ZNF33A: variants seen among roughly 807,000 people sequenced by gnomAD.
ZNF33A encodes brain my041 protein.
Under a neutral mutation model 15.9 loss-of-function variants are expected in ZNF33A, and 9 were observed. The observed-to-expected ratio is 0.57, with a 90% confidence interval of 0.34 to 0.99. ZNF33A has a LOEUF of 0.99. Ranked by LOEUF, ZNF33A falls within the 50% of genes least tolerant of loss-of-function variation. The pLI, the probability that ZNF33A is intolerant of heterozygous loss-of-function variation, is 0.02. For synonymous variants in ZNF33A, 294 were observed against 324.2 expected (o/e 0.91, Z 1.00); for missense variants, 843 against 941.6 (o/e 0.90, Z 1.37).
At chr10:38,044,723 A>G (rs1336441373) in intron 4 of ZNF33A, among the ~76,000 whole-genome samples, 3 of 151,808 alleles carry the variant, frequency 2.0e-5, no homozygotes, top group African/African-American at 4.8e-5. Flanking sequence ...GCTGGAGTTC[A>G]GAGGCATGAT....
chr10:38,021,930 T>G (rs1459486444), intron 4 of ZNF33A, among the ~76,000 whole-genome samples: 2 of 152,232 alleles, frequency 1.3e-5, no homozygotes, highest in East Asian at 3.9e-4. Context: ...ATAGTAGAAA[T>G]GCATAGACTT....
chr10:38,023,460 A>G (rs557399194), intron 4 of ZNF33A, among the ~76,000 whole-genome samples: 2 of 152,338 alleles, frequency 1.3e-5, no homozygotes, highest in South Asian at 2.1e-4. Flanking sequence ...GGCTGGTTCA[A>G]CATTCAGAAA....
At chr10:38,025,522 C>T (rs571459997) in intron 4 of ZNF33A, among the ~76,000 whole-genome samples, 10 of 152,310 alleles carry the variant, frequency 6.6e-5, no homozygotes, top group East Asian at 5.8e-4. Context: ...AGAGGAAAGG[C>T]GATGTGAATA....
In ZNF33A at chr10:38,055,751, C is replaced by T. The variant is rs1564881003; in HGVS notation, c.1627C>T (p.His543Tyr). Residue 543 changes from histidine to tyrosine, a missense_variant, in exon 5 of 5, where the codon CAT (histidine) becomes TAT (tyrosine). Transcript: ENST00000432900. The stretch of plus-strand genomic sequence containing the variant: ...CTGCTTGAAGTCAGACCTCACAGTA[C>T]ATCAGAGAACACACACAGGGCAGAA... ...TFCLKSDLTV[H>Y]QRTHTGQKPF... 3 of 1,613,120 alleles carry T rather than the reference C, an allele frequency of 1.9e-6. No homozygotes were observed. The highest frequency in any genetic ancestry group is 8.5e-7 in the Non-Finnish European group (1 of 1,179,188).
downstream of ZNF33A, among the ~76,000 whole-genome samples, chr10:38,065,694 T>C (rs896621362): frequency 1.3e-5 from 2 of 151,242 alleles, no homozygotes; most frequent in African/African-American, 4.9e-5. Context: ...CCAATTTCCA[T>C]GTCTTCCCAT....
intron 4 of ZNF33A, among the ~76,000 whole-genome samples, chr10:38,022,040 G>A (rs1054485590): frequency 1.3e-5 from 2 of 152,098 alleles, no homozygotes; most frequent in African/African-American, 4.8e-5. Context: ...TAGACAAGAC[G>A]ATAGGTTGCA....
At chr10:38,063,996 CA>C (rs2066685813), downstream of ZNF33A, 1 of 1,229,522 alleles carries the variant, frequency 8.1e-7, no homozygotes, top group African/African-American at 1.5e-5. Context: ...TGTAGGAAAA[CA>C]GGAAGAAAAG....
Position 38,055,769 on chromosome 10 carries a change from G to A in ZNF33A, c.1645G>A (p.Gly549Arg). 2 of 1,582,462 alleles carry A rather than the reference G, an allele frequency of 1.3e-6. No individual in the cohort carries two copies. Among genetic ancestry groups the A allele is most frequent in the Non-Finnish European group, 8.6e-7 (1 of 1,159,702 alleles). ...CACAGTACATCAGAGAACACACACA[G>A]GGCAGAAACCCTTTGCATGTCCCGA... ...DLTVHQRTHTGQKPFACPECG... is the reference protein window; with the variant it reads ...DLTVHQRTHTRQKPFACPECG... Residue 549 changes from glycine (G) to arginine (R), a missense_variant, in exon 5 of 5, where the codon GGG becomes AGG. Gly to Arg is a moderately radical substitution (Grantham distance 125). Coordinates refer to ENST00000432900, the MANE Select transcript of ZNF33A (RefSeq NM_006954.2).
intron 4 of ZNF33A, among the ~76,000 whole-genome samples, chr10:38,040,277 C>G (rs944993717): frequency 1.3e-5 from 2 of 152,090 alleles, no homozygotes; most frequent in South Asian, 2.1e-4. Flanking sequence ...CTCCACTGTT[C>G]GAGTGGAATG....
At chr10:38,022,208 AAATC>A (rs916163484) in intron 4 of ZNF33A, among the ~76,000 whole-genome samples, 2 of 152,196 alleles carry the variant, frequency 1.3e-5, no homozygotes, top group African/African-American at 4.8e-5. Context: ...CTTTGGGAAA[AAATC>A]AATAAAATTG....
chr10:38,060,059 T>C lies in ZNF33A; in HGVS notation c.*3499T>C. On this transcript the variant is annotated 3_prime_UTR_variant, in exon 5 of 5. Transcript: ENST00000432900. ...AAATAAATAACCAACCAACCAACCC[T>C]GAGGAACATCTTGTTTCTGTACTAA... The C allele has an allele frequency of 3.0e-6, 3 of 985,376 alleles. No individual in the cohort carries two copies. The highest frequency in any genetic ancestry group is 3.6e-6 in the Non-Finnish European group (3 of 829,892). The allele number at this position is 985,376 out of a possible 1,614,324, so 61.0% of individuals were successfully genotyped here.
chr10:38,055,301 G>T lies in ZNF33A; in HGVS notation c.1177G>T (p.Ala393Ser). 1.2e-6 allele frequency: 2 copies of T among 1,613,142 alleles called. No individual in the cohort carries two copies. The highest frequency in any genetic ancestry group is 1.7e-6 in the Non-Finnish European group (2 of 1,179,710). Residue 393 changes from alanine to serine, a missense_variant, in exon 5 of 5, where the codon GCC becomes TCC. Coordinates refer to ENST00000432900, the MANE Select transcript of ZNF33A (RefSeq NM_006954.2). ...KPFECNECGKAFSHKSALTLH... is the reference protein window; with the variant it reads ...KPFECNECGKSFSHKSALTLH... ...TTTTGAATGCAATGAATGTGGGAAA[G>T]CCTTTAGCCATAAGTCAGCCCTCAC...
At chr10:38,049,403 C>A (rs1174907023) in intron 4 of ZNF33A, among the ~76,000 whole-genome samples, 1 of 151,936 alleles carries the variant, frequency 6.6e-6, no homozygotes, top group Non-Finnish European at 1.5e-5. Context: ...GGTGGAAGCA[C>A]CTGAGGTCAT....
At chr10:38,066,779 AC>A (rs2066713490), downstream of ZNF33A, among the ~76,000 whole-genome samples, 1 of 152,032 alleles carries the variant, frequency 6.6e-6, no homozygotes, top group Non-Finnish European at 1.5e-5. Flanking sequence ...TACTAAAAAT[AC>A]AAAAATTAGC....
intron 2 of ZNF33A, chr10:38,016,011 C>T: frequency 8.1e-7 from 1 of 1,231,526 alleles, no homozygotes; most frequent in Non-Finnish European, 1.0e-6. Context: ...CCAGAACAAT[C>T]CAATTGGATG....
chr10:38,060,428 A>G (rs1282710457), downstream of ZNF33A, among the ~76,000 whole-genome samples: 1 of 152,132 alleles, frequency 6.6e-6, no homozygotes, highest in Non-Finnish European at 1.5e-5. Context: ...CTCCCACAGC[A>G]AACAGTGGTC....
At chr10:38,041,377 T>C (rs647617) in intron 4 of ZNF33A, among the ~76,000 whole-genome samples, 133,167 of 151,842 alleles carry the variant, frequency 0.88, 58,532 homozygotes, top group South Asian at 0.94. Context: ...TTATGATGTC[T>C]CTTTGAAAAT....
At chr10:38,062,103 C>T (rs577869181), downstream of ZNF33A, among the ~76,000 whole-genome samples, 176 of 152,280 alleles carry the variant, frequency 1.2e-3, no homozygotes, top group Middle Eastern at 0.01. Context: ...GGAGAGAACA[C>T]GCTAGAACCC....
intron 4 of ZNF33A, among the ~76,000 whole-genome samples, chr10:38,028,483 T>C (rs1027858780): frequency 1.3e-5 from 2 of 151,914 alleles, no homozygotes; most frequent in African/African-American, 4.8e-5. Context: ...TTTTTTTTTT[T>C]CGAGACAAAA....
Sources: allele counts gnomAD v4.1 joint callset (sites outside exome capture counted in the v4.1 genomes callset), GRCh38; gene constraint gnomAD v4.1.1; transcripts MANE v1.5; gene names NCBI Gene and HGNC (gene_info 2026-07-23, HGNC 2026-07-21).